TRIM37: variants seen among roughly 807,000 people sequenced by gnomAD.
TRIM37 encodes tripartite motif containing 37.
In TRIM37, 80 loss-of-function variants were observed where a neutral mutation model predicts 129.8. The observed-to-expected ratio is 0.62, with a 90% confidence interval of 0.51 to 0.74. TRIM37 has a LOEUF of 0.74. Among genes scored for constraint, TRIM37 ranks in the 30% least tolerant of loss-of-function variants. The pLI, the probability that TRIM37 is intolerant of heterozygous loss-of-function variation, is 0.00. For missense variants in TRIM37, 1,054 were observed against 1,176.5 expected (o/e 0.90, Z 1.52); for synonymous variants, 389 against 387.1 (o/e 1.00, Z -0.06).
chr17:59,062,763 A>C (rs1047207311), intron 10 of TRIM37, 115 bp from the exon 11 acceptor site: 9 of 830,466 alleles, frequency 1.1e-5, no homozygotes, highest in Non-Finnish European at 1.8e-5. Flanking sequence ...CTAGACAAAT[A>C]ACAAGGTGAC....
Position 59,091,344 on chromosome 17 carries a change from AG to A in TRIM37, c.124-5del. 1 of 1,543,594 alleles carries A rather than the reference AG, an allele frequency of 6.5e-7. No homozygotes were observed. The highest frequency in any genetic ancestry group is 1.2e-5 in the South Asian group (1 of 84,534). ...CTCTCTGCTCTGTCAGCCAGCGCTA[AG>A]GGGGCAAAAGATTAGATATCGATTA... On this transcript the variant is annotated splice_region_variant and splice_polypyrimidine_tract_variant and intron_variant, in intron 2 of 23. Coordinates refer to ENST00000262294, the MANE Select transcript of TRIM37 (RefSeq NM_015294.6).
chr17:59,042,677 C>T (rs1181941232), intron 16 of TRIM37, among the ~76,000 whole-genome samples: 1 of 150,052 alleles, frequency 6.7e-6, no homozygotes, highest in Non-Finnish European at 1.5e-5. Context: ...GCAGCAGAAT[C>T]GGTTGAACCC....
chr17:59,009,044 T>A (rs1237948791), intron 22 of TRIM37, among the ~76,000 whole-genome samples: 3 of 152,190 alleles, frequency 2.0e-5, no homozygotes, highest in Non-Finnish European at 2.9e-5. Flanking sequence ...AAGGGTGGAT[T>A]AGGGACTAGG....
chr17:58,975,724 C>T, the TRIM37 span, among the ~76,000 whole-genome samples: 5 of 152,088 alleles, frequency 3.3e-5, no homozygotes, highest in Non-Finnish European at 7.3e-5. Flanking sequence ...GCCTTATGTG[C>T]GAGGCTAAGT....
intron 14 of TRIM37, 146 bp downstream of exon 14, chr17:59,051,068 G>T (rs913819504): frequency 4.8e-6 from 3 of 621,516 alleles, no homozygotes; most frequent in Non-Finnish European, 5.7e-6. Context: ...GAACTGGTAA[G>T]GATGGGGAAC....
chr17:58,990,209 G>T (rs1439362831), intron 24 of TRIM37, among the ~76,000 whole-genome samples: 7 of 113,844 alleles, frequency 6.1e-5, no homozygotes, highest in South Asian at 5.5e-4. Context: ...AAAAAAAAAA[G>T]GCTAGGCATG....
At chr17:59,069,651 A>ACCC in intron 9 of TRIM37, among the ~76,000 whole-genome samples, 1 of 152,304 alleles carries the variant, frequency 6.6e-6, no homozygotes, top group Admixed American at 6.5e-5. Flanking sequence ...AACAAACTGA[A>ACCC]AATGTCCATC....
chr17:59,031,112 TTC>T (rs1337193892), intron 18 of TRIM37, among the ~76,000 whole-genome samples: 2 of 152,198 alleles, frequency 1.3e-5, no homozygotes, highest in African/African-American at 2.4e-5. Flanking sequence ...AGAGCTCTAT[TTC>T]TCTGTTATTT....
intron 3 of TRIM37, among the ~76,000 whole-genome samples, chr17:59,089,031 G>A (rs931616136): frequency 6.6e-6 from 1 of 152,106 alleles, no homozygotes; most frequent in Non-Finnish European, 1.5e-5. Context: ...GGAGGCTGAG[G>A]CAGGTAGATT....
At chr17:59,020,217 C>A (rs1487235997) in intron 19 of TRIM37, among the ~76,000 whole-genome samples, 2 of 100,684 alleles carry the variant, frequency 2.0e-5, no homozygotes, top group Non-Finnish European at 3.5e-5. Context: ...GTGGACAGAG[C>A]GAGACTCTGT....
At chr17:59,063,628 A>T (rs2041687119) in intron 10 of TRIM37, among the ~76,000 whole-genome samples, 1 of 152,228 alleles carries the variant, frequency 6.6e-6, no homozygotes, top group Admixed American at 6.5e-5. Flanking sequence ...ATCTTAAGAG[A>T]AAAAGTAGTA....
At chr17:59,079,276 C>T (rs555406821) in intron 7 of TRIM37, among the ~76,000 whole-genome samples, 14 of 152,112 alleles carry the variant, frequency 9.2e-5, no homozygotes, top group Non-Finnish European at 7.4e-5. Flanking sequence ...AAGGAATCTT[C>T]GAAAAGCAAA....
At chr17:59,060,239 T>C (rs571083786) in intron 12 of TRIM37, among the ~76,000 whole-genome samples, 2 of 152,278 alleles carry the variant, frequency 1.3e-5, no homozygotes, top group African/African-American at 4.8e-5. Context: ...GCTGGAGAAA[T>C]TGTAGAGTTA....
the TRIM37 span, among the ~76,000 whole-genome samples, chr17:58,968,817 C>A: frequency 6.6e-6 from 1 of 152,246 alleles, no homozygotes; most frequent in East Asian, 1.9e-4. Context: ...GTTGGAAGAT[C>A]CTCCTCTGGC....
chr17:59,036,764 C>T (rs947368294), intron 17 of TRIM37, among the ~76,000 whole-genome samples: 2 of 152,072 alleles, frequency 1.3e-5, no homozygotes, highest in African/African-American at 4.8e-5. Flanking sequence ...TAACGCATAA[C>T]TTAACATCGT....
At chr17:59,097,747 A>G (rs993840439) in intron 2 of TRIM37, among the ~76,000 whole-genome samples, 4 of 152,176 alleles carry the variant, frequency 2.6e-5, no homozygotes, top group South Asian at 2.1e-4. Flanking sequence ...AATAAAAAAC[A>G]AAAAGAAAGA....
intron 16 of TRIM37, among the ~76,000 whole-genome samples, chr17:59,043,678 A>T (rs1378877086): frequency 6.6e-6 from 1 of 152,144 alleles, no homozygotes; most frequent in African/African-American, 2.4e-5. Flanking sequence ...CTCTACCTGG[A>T]TGCAGCATGA....
intron 7 of TRIM37, among the ~76,000 whole-genome samples, chr17:59,077,499 T>C (rs1031649268): frequency 1.3e-5 from 2 of 152,070 alleles, no homozygotes; most frequent in African/African-American, 4.8e-5. Context: ...AACATTACAA[T>C]ACATAATTAA....
intron 24 of TRIM37, among the ~76,000 whole-genome samples, chr17:58,987,925 ATGTAGGG>A (rs954383490): frequency 7.9e-5 from 12 of 152,312 alleles, no homozygotes; most frequent in African/African-American, 2.9e-4. Context: ...CCACTCCGGG[ATGTAGGG>A]GTAGAAGGAG....
Sources: allele counts gnomAD v4.1 joint callset (sites outside exome capture counted in the v4.1 genomes callset), GRCh38; gene constraint gnomAD v4.1.1; transcripts MANE v1.5; gene names NCBI Gene and HGNC (gene_info 2026-07-23, HGNC 2026-07-21).